Variants in KCNH1 observed in about 807,000 individuals in gnomAD.
KCNH1 encodes the protein voltage-gated delayed rectifier potassium channel KCNH1.
KCNH1 carries 27 observed loss-of-function variants against 69.2 expected under a neutral mutation model. That is an observed-to-expected ratio of 0.39 (90% CI 0.29 to 0.54). The LOEUF is 0.54. Among genes scored for constraint, KCNH1 ranks in the 20% least tolerant of loss-of-function variants. KCNH1 has a pLI of 0.68. For synonymous variants in KCNH1, 456 were observed against 487.7 expected (o/e 0.93, Z 0.86); for missense variants, 798 against 1,261.6 (o/e 0.63, Z 5.57).
chr1:210,736,765 C>T (rs1204165336), intron 10 of KCNH1, among the ~76,000 whole-genome samples: 4 of 152,056 alleles, frequency 2.6e-5, no homozygotes, highest in South Asian at 4.2e-4. Context: ...TGTGGGGAGC[C>T]GGAGGAATGG....
At chr1:210,819,327 G>T (rs1684880100) in intron 7 of KCNH1, among the ~76,000 whole-genome samples, 1 of 152,104 alleles carries the variant, frequency 6.6e-6, no homozygotes, top group South Asian at 2.1e-4. Flanking sequence ...AAGGAAAAAT[G>T]TGTAGAGAAA....
At chr1:210,914,158 T>A (rs1281555158) in intron 7 of KCNH1, among the ~76,000 whole-genome samples, 2 of 152,148 alleles carry the variant, frequency 1.3e-5, no homozygotes, top group Non-Finnish European at 2.9e-5. Flanking sequence ...AGAACCCATA[T>A]CCTACTTTTT....
Position 210,721,988 on chromosome 1 carries a change from C to G in KCNH1, c.2113-37850G>C, listed in dbSNP as rs193301782. Among the ~76,000 whole-genome samples the G allele has an allele frequency of 3.3e-5, 5 of 152,200 alleles. No homozygotes were observed. The East Asian group carries it at 9.7e-4, about 29-fold the overall frequency. On this transcript the variant is annotated intron_variant, in intron 10 of 10. Transcript: ENST00000271751. ...GAAGATGACCCTCTCCCCCACTCACCCTGCCACTTCCCTCCACTGCCAATC... is the reference window on the plus strand; with the variant it reads ...GAAGATGACCCTCTCCCCCACTCACGCTGCCACTTCCCTCCACTGCCAATC...
At chr1:211,017,522 T>C (rs533352557) in intron 6 of KCNH1, among the ~76,000 whole-genome samples, 135 of 152,288 alleles carry the variant, frequency 8.9e-4, no homozygotes, top group South Asian at 3.9e-3. Context: ...GGCTGGAGAC[T>C]TGCCAAATGA....
chr1:210,982,915 A>G (rs1481579437), intron 6 of KCNH1, among the ~76,000 whole-genome samples: 2 of 152,138 alleles, frequency 1.3e-5, no homozygotes, highest in Non-Finnish European at 2.9e-5. Context: ...ATTTCTCCAC[A>G]TCCTCTCCAG....
At chr1:211,128,971 C>A (rs115509325) in intron 1 of KCNH1, among the ~76,000 whole-genome samples, 1 of 152,082 alleles carries the variant, frequency 6.6e-6, no homozygotes, top group African/African-American at 2.4e-5. Context: ...ATATTCCTCA[C>A]GAGAAAGTGA....
chr1:210,790,029 C>G (rs1007210979), intron 9 of KCNH1, among the ~76,000 whole-genome samples: 2 of 152,348 alleles, frequency 1.3e-5, no homozygotes, highest in African/African-American at 2.4e-5. Context: ...CCTCAGCCTT[C>G]TGAGGCCTCA....
At chr1:211,098,621 C>G (rs1691201889) in intron 3 of KCNH1, among the ~76,000 whole-genome samples, 2 of 151,676 alleles carry the variant, frequency 1.3e-5, no homozygotes, top group Admixed American at 1.3e-4. Context: ...CAGAATGAGA[C>G]TGGGAAAAAA....
chr1:210,952,687 GA>G (rs5780618), intron 6 of KCNH1, among the ~76,000 whole-genome samples: 19,162 of 144,486 alleles, frequency 0.13, 1,343 homozygotes, highest in South Asian at 0.2. Context: ...CACTCTTAGA[GA>G]AAAAAAAAAA....
intron 10 of KCNH1, among the ~76,000 whole-genome samples, chr1:210,709,535 A>C (rs1682000531): frequency 6.6e-6 from 1 of 152,178 alleles, no homozygotes; most frequent in Non-Finnish European, 1.5e-5. Flanking sequence ...CACCCTAGCA[A>C]ACTAACACAG....
At chr1:210,744,796 A>G (rs1488771267) in intron 10 of KCNH1, among the ~76,000 whole-genome samples, 1 of 152,188 alleles carries the variant, frequency 6.6e-6, no homozygotes, top group African/African-American at 2.4e-5. Context: ...CTGGGAGCCA[A>G]AGATCCATGG....
chr1:210,767,112 G>A (rs1160508998), intron 10 of KCNH1, among the ~76,000 whole-genome samples: 1 of 152,188 alleles, frequency 6.6e-6, no homozygotes, highest in Non-Finnish European at 1.5e-5. Flanking sequence ...CAAAAAACTT[G>A]GCAGATGGGT....
chr1:211,076,358 G>A (rs1031440612), intron 5 of KCNH1, among the ~76,000 whole-genome samples: 2 of 152,286 alleles, frequency 1.3e-5, no homozygotes, highest in South Asian at 2.1e-4. Context: ...TCACACAGGC[G>A]GGTGCCCCTT....
intron 5 of KCNH1, among the ~76,000 whole-genome samples, chr1:211,031,163 G>A (rs1000653274): frequency 1.4e-4 from 21 of 152,118 alleles, no homozygotes; most frequent in African/African-American, 4.6e-4. Flanking sequence ...TAAATTCCTC[G>A]ACACATACAC....
chr1:210,935,768 C>T (rs936034071), intron 6 of KCNH1, among the ~76,000 whole-genome samples: 7 of 152,150 alleles, frequency 4.6e-5, no homozygotes, highest in African/African-American at 1.7e-4. Context: ...ACAGTGAGAA[C>T]CTATTTTAGT....
intron 1 of KCNH1, among the ~76,000 whole-genome samples, chr1:211,132,416 A>G (rs1691893565): frequency 6.6e-6 from 1 of 152,202 alleles, no homozygotes. Flanking sequence ...TTGACCTAAA[A>G]GCCACCTTAG....
In KCNH1 at chr1:211,086,578, C is replaced by A. The variant is rs12409053; in HGVS notation, c.440-3680G>T. Reference sequence around the variant, plus strand: ...AGATAAAGGAGGGGAACATAGTACACAATCTAGCAATCAGTTAAAAGCTAT... The same window carrying A: ...AGATAAAGGAGGGGAACATAGTACAAAATCTAGCAATCAGTTAAAAGCTAT... On this transcript the variant is annotated intron_variant, in intron 4 of 10. Transcript: ENST00000271751. 8.9e-3 allele frequency among the ~76,000 whole-genome samples: 1,359 copies of A among 152,238 alleles called. 18 individuals carry two copies. Among genetic ancestry groups the A allele is most frequent in the Admixed American group, 0.015 (233 of 15,294 alleles).
chr1:210,896,272 T>C (rs1686864642), intron 7 of KCNH1, among the ~76,000 whole-genome samples: 1 of 152,052 alleles, frequency 6.6e-6, no homozygotes, highest in Admixed American at 6.5e-5. Context: ...GTGATGAAGC[T>C]GGTGTCATCA....
chr1:210,839,611 CT>C (rs1389642079), intron 7 of KCNH1, among the ~76,000 whole-genome samples: 1 of 152,128 alleles, frequency 6.6e-6, no homozygotes, highest in Non-Finnish European at 1.5e-5. Flanking sequence ...TCAAAAAATG[CT>C]TTGTAAATTG....
Sources: gnomAD v4.1 joint callset for allele counts (sites outside exome capture counted in the v4.1 genomes callset) on GRCh38, gnomAD v4.1.1 for gene constraint, MANE v1.5 for transcripts, NCBI Gene and HGNC (gene_info 2026-07-23, HGNC 2026-07-21) for gene names.